Variants in TAOK2 observed in about 807,000 individuals in gnomAD.
TAOK2 encodes serine/threonine-protein kinase TAO2.
Under a neutral mutation model 122.5 loss-of-function variants are expected in TAOK2, and 42 were observed. The ratio of observed to expected loss-of-function variants is 0.34; its 90% CI spans 0.27 to 0.44. The LOEUF (loss-of-function observed/expected upper bound fraction) is 0.44, where lower values mean the gene tolerates loss of function less well. Among genes scored for constraint, TAOK2 ranks in the 20% least tolerant of loss-of-function variants. The probability of loss-of-function intolerance (pLI) is 1.00; values close to 1 mark genes in which losing one functional copy is unlikely to be tolerated. For missense variants in TAOK2, 1,264 were observed against 1,644.9 expected (o/e 0.77, Z 4.01); for synonymous variants, 704 against 677.6 (o/e 1.04, Z -0.61).
At chr16:29,981,499 G>A in intron 8 of TAOK2, 162 bp from the exon 9 acceptor site, 1 of 705,586 alleles carries the variant, frequency 1.4e-6, no homozygotes, top group South Asian at 1.5e-5. Flanking sequence ...TTTTACAGAG[G>A]AAGGAATTAA....
rs745566109 is a variant in TAOK2 at position 29,987,842 on chromosome 16, G to T, written c.3570G>T (p.Arg1190=). The change falls in exon 16 of 16, where the codon CGG becomes CGT. Residue 1190 remains arginine, a synonymous_variant. Coordinates refer to ENST00000308893, the MANE Select transcript of TAOK2 (RefSeq NM_016151.4). ...LASWGLLRGE[R]PTRIPRLLPR... ...GCTGGGGCCTGCTTCGGGGTGAACG[G>T]CCCACCCGAATCCCCCGGCTACTAC... 10 of 1,611,564 alleles carry T rather than the reference G, an allele frequency of 6.2e-6. No individual in the cohort carries two copies. In the Admixed American group the frequency reaches 1.7e-4, roughly 27 times the overall value.
intron 8 of TAOK2, among the ~76,000 whole-genome samples, chr16:29,980,189 A>G (rs909183136): frequency 5.3e-5 from 8 of 152,218 alleles, no homozygotes; most frequent in African/African-American, 1.4e-4. Flanking sequence ...AAGCCATGCC[A>G]AGGTTCTCAT....
At chr16:29,989,680 G>T (rs1195678547), downstream of TAOK2, 1 of 1,613,986 alleles carries the variant, frequency 6.2e-7, no homozygotes, top group Non-Finnish European at 8.5e-7. Context: ...ACACTTGCTG[G>T]AGACCACGCC....
At position 29,983,293 on chromosome 16, in the gene TAOK2, C is replaced by T. The variant is rs369607203; in HGVS notation, c.1221C>T (p.His407=). Residue 407 remains histidine, a synonymous_variant, in exon 12 of 16, where the codon CAC becomes CAT. Coordinates refer to ENST00000308893, the MANE Select transcript of TAOK2 (RefSeq NM_016151.4). ...TGGCCATGATGCAGGAGGGGGAGCA[C>T]ACAGTCACCTCTCACAGCTCCATTA... ...REMAMMQEGE[H]TVTSHSSIIH... 1.6e-5 allele frequency: 26 copies of T among 1,603,180 alleles called. No homozygotes were observed. The African/African-American group carries it at 3.5e-4, about 21-fold the overall frequency.
downstream of TAOK2, chr16:29,989,357 A>G: frequency 1.0e-6 from 1 of 982,134 alleles, no homozygotes. Flanking sequence ...GACCTTCCTG[A>G]TCTCTCTCAA....
At position 29,978,372 on chromosome 16, in the gene TAOK2, C is replaced by T; in HGVS notation, c.306+19C>T. 1 of 1,612,302 alleles carries T rather than the reference C, an allele frequency of 6.2e-7. No individual in the cohort carries two copies. The highest frequency in any genetic ancestry group is 8.5e-7 in the Non-Finnish European group (1 of 1,178,358). On this transcript the variant is annotated intron_variant, in intron 4 of 15. Transcript: ENST00000308893. ...GGCTTGGGTGAGCTGGTGCCAGATT[C>T]TGGCCTGATCTTTACTCCTATTCAT...
intron 11 of TAOK2, 56 bp downstream of exon 11, chr16:29,982,957 C>T (rs2150893970): frequency 6.2e-7 from 1 of 1,605,612 alleles, no homozygotes. Context: ...CTGCCCCCTG[C>T]AGTTGCTTGG....
intron 1 of TAOK2, among the ~76,000 whole-genome samples, chr16:29,975,567 A>G (rs1200623807): frequency 1.3e-5 from 2 of 152,114 alleles, no homozygotes; most frequent in African/African-American, 2.4e-5. Context: ...GCTTTTCCTG[A>G]TGGGAGCCTC....
At chr16:29,991,359 T>C (rs1323546072), downstream of TAOK2, 6 of 1,592,190 alleles carry the variant, frequency 3.8e-6, no homozygotes, top group South Asian at 6.8e-5. This position sits in a 1 kb window ranked among gnomAD's most constrained non-coding sequence, Gnocchi z 5.6. Flanking sequence ...CCCCCCAAAC[T>C]GGCTGGGGCC....
At chr16:29,989,897 TG>T, downstream of TAOK2, 2 of 1,342,432 alleles carry the variant, frequency 1.5e-6, no homozygotes, top group Non-Finnish European at 1.0e-6. Context: ...TGCACAGAGC[TG>T]GGGCTTTTTT....
At chr16:29,978,499 A>C (rs1211199109) in intron 4 of TAOK2, 146 bp downstream of exon 4, 1 of 910,920 alleles carries the variant, frequency 1.1e-6, no homozygotes, top group Non-Finnish European at 1.7e-6. Context: ...TTTAGTCCTC[A>C]GACATACCCA....
rs1362201558 is a variant in TAOK2, at chr16:29,977,767, G to A, written c.-6G>A. On this transcript the variant is annotated 5_prime_UTR_variant, in exon 2 of 16. Coordinates refer to ENST00000308893, the MANE Select transcript of TAOK2 (RefSeq NM_016151.4). The stretch of plus-strand genomic sequence containing the variant: ...GGCCCCACTCTCAGGGCCCCCAGGG[G>A]CCACCATGCCAGCTGGGGGCCGGGC... The A allele has an allele frequency of 8.7e-6, 14 of 1,613,780 alleles. No individual in the cohort carries two copies. Among genetic ancestry groups the A allele is most frequent in the Non-Finnish European group, 1.2e-5 (14 of 1,179,914 alleles).
At chr16:29,977,613 C>A in intron 1 of TAOK2, 125 bp from the exon 2 acceptor site, 1 of 914,460 alleles carries the variant, frequency 1.1e-6, no homozygotes, top group Non-Finnish European at 1.6e-6. Context: ...TCCCCCTCCC[C>A]TTCCTCAGCA....
At position 29,983,203 on chromosome 16, in the gene TAOK2, C is replaced by T. The variant is rs61738514; in HGVS notation, c.1131C>T (p.Asn377=). 480 of 1,613,766 alleles carry T rather than the reference C, an allele frequency of 3.0e-4. 1 individual carries two copies. Among genetic ancestry groups the T allele is most frequent in the African/African-American group, 2.9e-3 (218 of 74,902 alleles). Residue 377 remains asparagine, a synonymous_variant, in exon 12 of 16, where the codon AAC becomes AAT. Coordinates refer to ENST00000308893, the MANE Select transcript of TAOK2 (RefSeq NM_016151.4). ...ACAGCCTAGCAGATGCCTCAGACAA[C>T]GAGGAAGAGGAGGAGGAGGAGGAGG... ...SVNSLADASD[N]EEEEEEEEEE...
Position 29,987,988 on chromosome 16 carries a change from C to G in TAOK2, c.*8C>G. On this transcript the variant is annotated 3_prime_UTR_variant, in exon 16 of 16. Transcript: ENST00000308893. ...CTGCCCCCCTGGAGGTAGCTGACTC[C>G]AGCCCTTCCAGCCCAAATCTAGAGC... 4.6e-6 allele frequency: 7 copies of G among 1,513,444 alleles called. No homozygotes were observed. Among genetic ancestry groups the G allele is most frequent in the Non-Finnish European group, 6.1e-6 (7 of 1,139,318 alleles). 93.8% of individuals were successfully genotyped at this position (1,513,444 alleles called of 1,614,324 possible).
At position 29,988,249 on chromosome 16, in the gene TAOK2, C is replaced by T; in HGVS notation, c.*269C>T. 1 of 1,462,484 alleles carries T rather than the reference C, an allele frequency of 6.8e-7. No homozygotes were observed. Among genetic ancestry groups the T allele is most frequent in the South Asian group, 1.4e-5 (1 of 70,830 alleles). 90.6% of individuals were successfully genotyped at this position (1,462,484 alleles called of 1,614,324 possible). A position where few individuals can be genotyped will look rare whatever the true frequency, so the allele number is the denominator to read the frequency against. On this transcript the variant is annotated 3_prime_UTR_variant, in exon 16 of 16. Transcript: ENST00000308893. Reference sequence around the variant, plus strand: ...TCATCCTCACCCTCATTGACTCAGGCCTGGGGCCAGGGGTGGTGGAGGGTG... The same window carrying T: ...TCATCCTCACCCTCATTGACTCAGGTCTGGGGCCAGGGGTGGTGGAGGGTG...
In TAOK2 at chr16:29,986,793, G is replaced by A. The variant is rs2069812252; in HGVS notation, c.2521G>A (p.Gly841Ser). Residue 841 changes from glycine (G) to serine (S), a missense_variant, in exon 16 of 16, where the codon GGT becomes AGT. Gly to Ser is a moderately conservative substitution (Grantham distance 56, BLOSUM62 0). Transcript: ENST00000308893. The surrounding 1 kb of genome is among the most constrained non-coding windows in gnomAD (Gnocchi z 4.2). ...HGSLVDEEVW[G>S]LPEEIEELRV... ...GAGCCTGGTTGATGAGGAAGTTTGGGGTCTGCCTGAGGAGATAGAGGAGCT... is the reference window on the plus strand; with the variant it reads ...GAGCCTGGTTGATGAGGAAGTTTGGAGTCTGCCTGAGGAGATAGAGGAGCT... The A allele has an allele frequency of 1.2e-6, 2 of 1,613,670 alleles. No homozygotes were observed. The highest frequency in any genetic ancestry group is 3.3e-5 in the Admixed American group (2 of 59,968).
chr16:29,991,650 C>T, downstream of TAOK2: 3 of 1,392,278 alleles, frequency 2.2e-6, no homozygotes, highest in South Asian at 1.7e-5. The surrounding 1 kb of genome is among the most constrained non-coding windows in gnomAD (Gnocchi z 5.6). Context: ...GCTGGAGGCC[C>T]CTGCAAGGGT....
At chr16:29,976,685 C>T (rs1320601406) in intron 1 of TAOK2, among the ~76,000 whole-genome samples, 1 of 152,192 alleles carries the variant, frequency 6.6e-6, no homozygotes, top group Non-Finnish European at 1.5e-5. Flanking sequence ...CTGGAGTGGT[C>T]AGGACAGGCT....
Sources: gnomAD v4.1 joint callset for allele counts (sites outside exome capture counted in the v4.1 genomes callset) on GRCh38, gnomAD v4.1.1 for gene constraint, Gnocchi (gnomAD v3.1) non-coding constraint, MANE v1.5 for transcripts, NCBI Gene and HGNC (gene_info 2026-07-23, HGNC 2026-07-21) for gene names.